Variants in BMPR1B observed in about 807,000 individuals in gnomAD.
The protein encoded by BMPR1B is bone morphogenetic protein receptor type 1B.
In BMPR1B, 12 loss-of-function variants were observed where a neutral mutation model predicts 59.1. That is an observed-to-expected ratio of 0.20 (90% CI 0.13 to 0.33). The LOEUF is 0.33. Among genes scored for constraint, BMPR1B ranks in the 10% least tolerant of loss-of-function variants. The probability of loss-of-function intolerance (pLI) is 1.00; values close to 1 mark genes in which losing one functional copy is unlikely to be tolerated. For synonymous variants in BMPR1B, 237 were observed against 207.3 expected, an observed-to-expected ratio of 1.14 and a Z score of -1.23; for missense variants, 550 against 610.9, an observed-to-expected ratio of 0.90 and a Z score of 1.05.
chr4:94,782,372 C>T (rs1194507319), intron 1 of BMPR1B, among the ~76,000 whole-genome samples: 1 of 150,274 alleles, frequency 6.7e-6, no homozygotes, highest in Non-Finnish European at 1.5e-5. Context: ...GTGGTGCAAT[C>T]TTGGCTCACT....
intron 2 of BMPR1B, among the ~76,000 whole-genome samples, chr4:94,956,844 G>A (rs1046668076): frequency 6.6e-6 from 1 of 151,916 alleles, no homozygotes; most frequent in South Asian, 2.1e-4. Flanking sequence ...CAGTTTCAGT[G>A]TAATTGTAAC....
chr4:94,771,766 A>G (rs570891446), intron 1 of BMPR1B, among the ~76,000 whole-genome samples: 1 of 152,212 alleles, frequency 6.6e-6, no homozygotes, highest in African/African-American at 2.4e-5. Flanking sequence ...TTGTCTAACT[A>G]CAGTGACATT....
chr4:95,139,993 A>G (rs1358781236), intron 10 of BMPR1B, among the ~76,000 whole-genome samples: 1 of 152,090 alleles, frequency 6.6e-6, no homozygotes, highest in Non-Finnish European at 1.5e-5. Context: ...AAATGCAGAA[A>G]TCACTCATCT....
At chr4:94,836,719 T>C (rs1312317028) in intron 1 of BMPR1B, among the ~76,000 whole-genome samples, 1 of 147,372 alleles carries the variant, frequency 6.8e-6, no homozygotes, top group African/African-American at 2.5e-5. Context: ...GCCTGTTCAC[T>C]CTGATGGTAG....
intron 3 of BMPR1B, among the ~76,000 whole-genome samples, chr4:95,016,920 A>G (rs928318203): frequency 6.6e-6 from 1 of 152,184 alleles, no homozygotes; most frequent in African/African-American, 2.4e-5. Flanking sequence ...TTCATTAAGG[A>G]CTATGATTTA....
chr4:95,054,127 A>G (rs1393948066), intron 3 of BMPR1B, among the ~76,000 whole-genome samples: 1 of 152,208 alleles, frequency 6.6e-6, no homozygotes, highest in African/African-American at 2.4e-5. Context: ...GGAGAATGTG[A>G]GCATCAGGTG....
chr4:95,144,283 T>C (rs1560690033), intron 10 of BMPR1B, among the ~76,000 whole-genome samples: 1 of 152,160 alleles, frequency 6.6e-6, no homozygotes, highest in Admixed American at 6.5e-5. Context: ...CAAGTGATCC[T>C]CCTGCTTCAG....
intron 2 of BMPR1B, among the ~76,000 whole-genome samples, chr4:94,968,361 T>C (rs971007058): frequency 6.6e-6 from 1 of 151,904 alleles, no homozygotes; most frequent in Non-Finnish European, 1.5e-5. Context: ...GTTGTTGTTG[T>C]TTTTTTTAAT....
At chr4:95,011,035 G>A (rs1230909525) in intron 3 of BMPR1B, among the ~76,000 whole-genome samples, 1 of 151,990 alleles carries the variant, frequency 6.6e-6, no homozygotes, top group Non-Finnish European at 1.5e-5. Context: ...TATGTCAGTT[G>A]CTTTTTAATC....
chr4:94,875,594 G>C (rs537896661), intron 1 of BMPR1B, among the ~76,000 whole-genome samples: 1 of 152,266 alleles, frequency 6.6e-6, no homozygotes, highest in East Asian at 1.9e-4. Context: ...TGAGGCAGGA[G>C]AATGGTGTGA....
At chr4:95,044,669 AG>A (rs1725909303) in intron 3 of BMPR1B, among the ~76,000 whole-genome samples, 1 of 152,134 alleles carries the variant, frequency 6.6e-6, no homozygotes, top group Admixed American at 6.5e-5. Flanking sequence ...CAAGGGAGAA[AG>A]GGATTGTTTA....
chr4:95,128,997 C>T (rs1733104910), intron 8 of BMPR1B, among the ~76,000 whole-genome samples: 1 of 151,784 alleles, frequency 6.6e-6, no homozygotes, highest in Admixed American at 6.6e-5. Flanking sequence ...CCTCCCCATT[C>T]TTGGATATTT....
chr4:94,881,473 A>C (rs991061973), intron 2 of BMPR1B, among the ~76,000 whole-genome samples: 11 of 149,990 alleles, frequency 7.3e-5, no homozygotes, highest in Non-Finnish European at 1.2e-4. Context: ...GTAATATTTC[A>C]ACTTTTTTTT....
chr4:95,085,531 C>A (rs1432961861), intron 3 of BMPR1B, among the ~76,000 whole-genome samples: 1 of 152,156 alleles, frequency 6.6e-6, no homozygotes, highest in African/African-American at 2.4e-5. Flanking sequence ...ACATTCTGCA[C>A]ATAAACTCAA....
At chr4:95,051,057 C>G (rs970688661) in intron 3 of BMPR1B, among the ~76,000 whole-genome samples, 1 of 152,108 alleles carries the variant, frequency 6.6e-6, no homozygotes, top group African/African-American at 2.4e-5. Flanking sequence ...TCTTAACTTG[C>G]AGTATTCATT....
chr4:94,847,747 TTG>T (rs142630570), intron 1 of BMPR1B, among the ~76,000 whole-genome samples: 18,325 of 152,038 alleles, frequency 0.12, 1,145 homozygotes, highest in Non-Finnish European at 0.13. Context: ...ACAACTGAAC[TTG>T]TGGAGATAGA....
intron 3 of BMPR1B, among the ~76,000 whole-genome samples, chr4:95,041,251 G>A (rs1725633062): frequency 1.3e-5 from 2 of 152,024 alleles, no homozygotes; most frequent in South Asian, 4.2e-4. Context: ...GTCTTCCTAT[G>A]TTGCCCAGGT....
intron 1 of BMPR1B, among the ~76,000 whole-genome samples, chr4:94,763,617 C>G (rs556696495): frequency 7.2e-5 from 11 of 152,268 alleles, no homozygotes; most frequent in African/African-American, 2.4e-4. Context: ...TCTTGCCTGG[C>G]TGTCTTGAGA....
intron 11 of BMPR1B, among the ~76,000 whole-genome samples, chr4:95,149,690 T>G (rs1734897566): frequency 1.3e-5 from 2 of 152,352 alleles, no homozygotes; most frequent in South Asian, 4.1e-4. Context: ...TTAAAAAACC[T>G]TGATGCTGCT....
Sources: gnomAD v4.1 joint callset for allele counts (sites outside exome capture counted in the v4.1 genomes callset) on GRCh38, gnomAD v4.1.1 for gene constraint, MANE v1.5 for transcripts, NCBI Gene and HGNC (gene_info 2026-07-23, HGNC 2026-07-21) for gene names.